Variants in CLEC9A observed in about 807,000 individuals in gnomAD.
CLEC9A encodes the protein C-type lectin domain containing 9A, also known as C-type lectin domain family 9 member A.
A neutral mutation model predicts 30.0 loss-of-function variants in CLEC9A; 24 were observed. The observed-to-expected ratio is 0.80, with a 90% CI of 0.58 to 1.13. The LOEUF (loss-of-function observed/expected upper bound fraction) is 1.13, where lower values mean the gene tolerates loss of function less well. Among genes scored for constraint, CLEC9A ranks in the 50% most tolerant of loss-of-function variants. CLEC9A has a pLI of 0.00. For missense variants in CLEC9A, 251 were observed against 280.9 expected (o/e 0.89, Z 0.76); for synonymous variants, 111 against 96.8 (o/e 1.15, Z -0.86).
At chr12:10,040,210 G>A (rs78064987) in intron 1 of CLEC9A, among the ~76,000 whole-genome samples, 15,657 of 152,236 alleles carry the variant, frequency 0.1, 985 homozygotes, top group Non-Finnish European at 0.14. Context: ...AACAGAAAAT[G>A]AGTTCCTTCA....
At chr12:10,052,968 T>C in intron 4 of CLEC9A, 190 bp downstream of exon 4, 1 of 527,108 alleles carries the variant, frequency 1.9e-6, no homozygotes, top group African/African-American at 1.9e-5. Context: ...GCAATACACG[T>C]GATAAACGTG....
chr12:10,046,405 T>C (rs1291158551), intron 2 of CLEC9A, among the ~76,000 whole-genome samples: 1 of 152,202 alleles, frequency 6.6e-6, no homozygotes. Flanking sequence ...GAAAAGAAAG[T>C]TTGTAACAAA....
chr12:10,041,248 A>G (rs1018912817), intron 1 of CLEC9A, among the ~76,000 whole-genome samples: 2 of 152,096 alleles, frequency 1.3e-5, no homozygotes, highest in African/African-American at 4.8e-5. Flanking sequence ...TCAGTCAAAA[A>G]CAACAACAAC....
At chr12:10,058,614 A>T (rs1291676312) in intron 5 of CLEC9A, among the ~76,000 whole-genome samples, 1 of 152,070 alleles carries the variant, frequency 6.6e-6, no homozygotes, top group African/African-American at 2.4e-5. Flanking sequence ...TTATGATCTC[A>T]CCTCACTGCA....
At chr12:10,063,271 C>T in intron 7 of CLEC9A, 65 bp downstream of exon 7, 14 of 1,374,820 alleles carry the variant, frequency 1.0e-5, no homozygotes, top group South Asian at 1.8e-5. Context: ...AAAGAAATCC[C>T]TCATTCTCAT....
At chr12:10,045,679 A>G (rs2137302520) in intron 2 of CLEC9A, 1 of 228,816 alleles carries the variant, frequency 4.4e-6, no homozygotes, top group Non-Finnish European at 9.5e-6. Context: ...TTGCCCAATA[A>G]AAGTTCTGAA....
intron 2 of CLEC9A, among the ~76,000 whole-genome samples, chr12:10,051,204 T>TAA (rs76673745): frequency 4.6e-4 from 63 of 136,766 alleles, no homozygotes; most frequent in African/African-American, 1.6e-3. Context: ...AAACTCTGTC[T>TAA]AAAAAAAAAA....
intron 5 of CLEC9A, 25 bp from the exon 6 acceptor site, chr12:10,061,102 T>C: frequency 6.2e-7 from 1 of 1,601,788 alleles, no homozygotes; most frequent in Non-Finnish European, 8.5e-7. Context: ...AGGATTTTAT[T>C]AGGAATGATT....
At chr12:10,038,121 T>G (rs1263384110) in intron 1 of CLEC9A, among the ~76,000 whole-genome samples, 5 of 152,322 alleles carry the variant, frequency 3.3e-5, no homozygotes, top group Non-Finnish European at 1.5e-5. Flanking sequence ...AAAAACTCAG[T>G]GACAAAAATG....
At chr12:10,039,509 C>A (rs924029193) in intron 1 of CLEC9A, among the ~76,000 whole-genome samples, 4 of 152,180 alleles carry the variant, frequency 2.6e-5, no homozygotes, top group African/African-American at 7.2e-5. Context: ...TGTCCCTCTT[C>A]CTATCTTGCA....
At chr12:10,049,940 C>T (rs1388656401) in intron 2 of CLEC9A, among the ~76,000 whole-genome samples, 1 of 152,138 alleles carries the variant, frequency 6.6e-6, no homozygotes, top group Non-Finnish European at 1.5e-5. Context: ...ACATGTCTTC[C>T]TCACTAAACT....
intron 1 of CLEC9A, among the ~76,000 whole-genome samples, chr12:10,031,774 G>A (rs900835925): frequency 6.6e-6 from 1 of 152,090 alleles, no homozygotes; most frequent in African/African-American, 2.4e-5. Flanking sequence ...ATAATAACAG[G>A]ATGTGATAAA....
At chr12:10,054,373 C>G (rs1208487065) in intron 5 of CLEC9A, 22 bp downstream of exon 5, 31 of 1,479,714 alleles carry the variant, frequency 2.1e-5, no homozygotes, top group Non-Finnish European at 2.8e-5. Context: ...AAGATATTTT[C>G]AAAATATGTA....
At chr12:10,047,510 ATACT>A (rs1355900629) in intron 2 of CLEC9A, among the ~76,000 whole-genome samples, 1 of 152,236 alleles carries the variant, frequency 6.6e-6, no homozygotes, top group East Asian at 1.9e-4. Context: ...TTCATTCCAA[ATACT>A]TAATCTTCTA....
chr12:10,063,334 GT>G, intron 7 of CLEC9A, 128 bp downstream of exon 7: 1 of 909,076 alleles, frequency 1.1e-6, no homozygotes, highest in South Asian at 3.5e-5. Context: ...AAAAATAAAG[GT>G]TTAAAAGAAA....
chr12:10,048,169 C>T (rs1325696682), intron 2 of CLEC9A, among the ~76,000 whole-genome samples: 1 of 150,364 alleles, frequency 6.7e-6, no homozygotes, highest in Non-Finnish European at 1.5e-5. Context: ...GGAAGCGGAG[C>T]TTGCAGTGAG....
chr12:10,037,782 A>G (rs1041119740), intron 1 of CLEC9A, among the ~76,000 whole-genome samples: 2 of 152,162 alleles, frequency 1.3e-5, no homozygotes, highest in African/African-American at 4.8e-5. Flanking sequence ...ACTATTTTAG[A>G]GCCATGGGAC....
rs1865821806 is a variant in CLEC9A at position 10,043,930 on chromosome 12, C to A, written c.-163+2310C>A. On this transcript the variant is annotated intron_variant, in intron 2 of 8. Transcript: ENST00000355819. ...TCCTGACCTCATGATCCGCCTGCCTCAGCCTCCCAAAGTGCTGGCATTACA... is the reference window on the plus strand; with the variant it reads ...TCCTGACCTCATGATCCGCCTGCCTAAGCCTCCCAAAGTGCTGGCATTACA... Among the ~76,000 whole-genome samples the A allele has an allele frequency of 2.0e-5, 3 of 152,178 alleles. No homozygotes were observed. The South Asian group carries it at 6.2e-4, about 32-fold the overall frequency.
At chr12:10,061,975 T>G (rs749615368) in intron 6 of CLEC9A, among the ~76,000 whole-genome samples, 3 of 152,200 alleles carry the variant, frequency 2.0e-5, no homozygotes, top group Non-Finnish European at 4.4e-5. Context: ...TGATTAAAAT[T>G]TAATCGAGTG....
Sources: gnomAD v4.1 joint callset for allele counts (sites outside exome capture counted in the v4.1 genomes callset) on GRCh38, gnomAD v4.1.1 for gene constraint, MANE v1.5 for transcripts, NCBI Gene and HGNC (gene_info 2026-07-23, HGNC 2026-07-21) for gene names.